Variants in ZMAT4 observed in about 807,000 individuals in gnomAD.
ZMAT4 encodes zinc finger matrin-type protein 4.
A neutral mutation model predicts 28.7 loss-of-function variants in ZMAT4; 17 were observed. That is an observed-to-expected ratio of 0.59 (90% CI 0.41 to 0.89). The LOEUF is 0.89. Ranked by LOEUF, ZMAT4 falls within the 40% of genes least tolerant of loss-of-function variation. ZMAT4 has a pLI of 0.00. For missense variants in ZMAT4, 240 were observed against 283.8 expected (o/e 0.85, Z 1.11); for synonymous variants, 117 against 109.2 (o/e 1.07, Z -0.44).
chr8:40,889,599 CATACACCTTTTGTTTTAATTGCAATT>C (rs1202868240), intron 1 of ZMAT4, among the ~76,000 whole-genome samples: 1 of 152,194 alleles, frequency 6.6e-6, no homozygotes, highest in Admixed American at 6.5e-5. Flanking sequence ...CTCAGGACTA[CATACACCTTTTGTTTTAATTGCAATT>C]ATACTCTATT....
chr8:40,651,317 C>G (rs1807636237), intron 5 of ZMAT4, among the ~76,000 whole-genome samples: 1 of 152,188 alleles, frequency 6.6e-6, no homozygotes, highest in African/African-American at 2.4e-5. Context: ...TGAGTGAACT[C>G]TCATTCACAA....
chr8:40,586,819 T>G (rs1804684808), intron 5 of ZMAT4, among the ~76,000 whole-genome samples: 1 of 152,096 alleles, frequency 6.6e-6, no homozygotes, highest in South Asian at 2.1e-4. Context: ...ATAGAGCTAA[T>G]CAGGGAAAAA....
intron 1 of ZMAT4, among the ~76,000 whole-genome samples, chr8:40,852,879 A>G (rs952660178): frequency 2.0e-5 from 3 of 152,238 alleles, no homozygotes; most frequent in African/African-American, 7.2e-5. Context: ...GAAGCTGTCA[A>G]GTTCATCATG....
rs188445771 is a variant in ZMAT4, at chr8:40,806,055, C to T, written c.102+19520G>A. 1.9e-4 allele frequency among the ~76,000 whole-genome samples: 29 copies of T among 151,934 alleles called. No individual in the cohort carries two copies. The South Asian group carries it at 3.1e-3, about 16-fold the overall frequency. On this transcript the variant is annotated intron_variant, in intron 2 of 6. Transcript: ENST00000297737. ...AAAAAATATATCTTAATTGTTATCA[C>T]GAAAAAGGGGAACATTTCATCTTTA...
chr8:40,630,541 T>C (rs1289808050), intron 5 of ZMAT4, among the ~76,000 whole-genome samples: 1 of 152,174 alleles, frequency 6.6e-6, no homozygotes, highest in Non-Finnish European at 1.5e-5. Flanking sequence ...TAGTCTTGTG[T>C]TCAATCCTAG....
chr8:40,845,907 G>C (rs1816878055), intron 1 of ZMAT4, among the ~76,000 whole-genome samples: 1 of 151,998 alleles, frequency 6.6e-6, no homozygotes, highest in Non-Finnish European at 1.5e-5. Flanking sequence ...GATGTCAAGA[G>C]GAGAACCAGC....
chr8:40,543,788 C>T (rs1015729063), intron 6 of ZMAT4, among the ~76,000 whole-genome samples: 1 of 152,080 alleles, frequency 6.6e-6, no homozygotes, highest in Non-Finnish European at 1.5e-5. Context: ...ACCTTACCAC[C>T]CCTTAAAGAC....
chr8:40,680,082 T>C (rs1027905347), intron 4 of ZMAT4, among the ~76,000 whole-genome samples: 18 of 152,190 alleles, frequency 1.2e-4, no homozygotes, highest in African/African-American at 4.3e-4. Context: ...TACATACATA[T>C]CACAGTCTCT....
intron 3 of ZMAT4, among the ~76,000 whole-genome samples, chr8:40,731,604 T>C (rs909444585): frequency 1.1e-4 from 17 of 152,096 alleles, no homozygotes; most frequent in African/African-American, 3.4e-4. Flanking sequence ...AGTAAATCAG[T>C]AAATCAGCAG....
At chr8:40,835,512 C>G (rs17647637) in intron 1 of ZMAT4, among the ~76,000 whole-genome samples, 19,137 of 152,242 alleles carry the variant, frequency 0.13, 1,236 homozygotes, top group South Asian at 0.16. Context: ...ACAAGCTGAA[C>G]GACTACAGGA....
At chr8:40,583,602 A>C (rs1804565086) in intron 5 of ZMAT4, among the ~76,000 whole-genome samples, 1 of 152,190 alleles carries the variant, frequency 6.6e-6, no homozygotes, top group Non-Finnish European at 1.5e-5. Flanking sequence ...ATTTCAATTT[A>C]GATAGTTTAT....
Position 40,586,826 on chromosome 8 carries a change from A to C in ZMAT4, c.578-5565T>G, listed in dbSNP as rs190388187. ...ATTTTCTTATAGAGCTAATCAGGGAAAAAGACAAGAAACAAGTAAACAAAT... is the reference window on the plus strand; with the variant it reads ...ATTTTCTTATAGAGCTAATCAGGGACAAAGACAAGAAACAAGTAAACAAAT... On this transcript the variant is annotated intron_variant, in intron 5 of 6. Transcript: ENST00000297737. Among the ~76,000 whole-genome samples the C allele has an allele frequency of 2.6e-5, 4 of 152,368 alleles. No individual in the cohort carries two copies. In the East Asian group the frequency reaches 7.7e-4, roughly 29 times the overall value.
intron 5 of ZMAT4, among the ~76,000 whole-genome samples, chr8:40,627,269 T>C (rs1003899715): frequency 2.0e-5 from 3 of 152,200 alleles, no homozygotes; most frequent in Non-Finnish European, 2.9e-5. Context: ...ACACTAAGAA[T>C]GTATCATCAC....
chr8:40,738,576 G>A (rs886630829), intron 3 of ZMAT4, among the ~76,000 whole-genome samples: 3 of 152,186 alleles, frequency 2.0e-5, no homozygotes, highest in African/African-American at 4.8e-5. Flanking sequence ...GGAAGAAGTA[G>A]GAATGTGCTA....
intron 5 of ZMAT4, among the ~76,000 whole-genome samples, chr8:40,671,990 G>A (rs1431023605): frequency 6.6e-6 from 1 of 152,088 alleles, no homozygotes; most frequent in Non-Finnish European, 1.5e-5. Flanking sequence ...ACTATTATGT[G>A]TCTGCCACTA....
At chr8:40,827,839 G>C (rs1816126736) in intron 1 of ZMAT4, among the ~76,000 whole-genome samples, 1 of 152,170 alleles carries the variant, frequency 6.6e-6, no homozygotes, top group African/African-American at 2.4e-5. Context: ...AGCTCTAGTT[G>C]TTAAGTTTTT....
chr8:40,666,810 A>C (rs1331595502), intron 5 of ZMAT4, among the ~76,000 whole-genome samples: 1 of 152,204 alleles, frequency 6.6e-6, no homozygotes, highest in East Asian at 1.9e-4. Flanking sequence ...TTTTTCAATC[A>C]ATATATCGGA....
At chr8:40,686,592 C>A (rs760315894) in intron 4 of ZMAT4, among the ~76,000 whole-genome samples, 1 of 151,990 alleles carries the variant, frequency 6.6e-6, no homozygotes, top group Non-Finnish European at 1.5e-5. Context: ...TGTGCCACTG[C>A]ATTCCAGCTT....
At chr8:40,818,053 G>A (rs1044093718) in intron 2 of ZMAT4, among the ~76,000 whole-genome samples, 10 of 152,132 alleles carry the variant, frequency 6.6e-5, no homozygotes, top group African/African-American at 1.9e-4. Flanking sequence ...TACCCTACCC[G>A]TGTCCTCTTA....
Sources: allele counts gnomAD v4.1 joint callset (sites outside exome capture counted in the v4.1 genomes callset), GRCh38; gene constraint gnomAD v4.1.1; transcripts MANE v1.5; gene names NCBI Gene and HGNC (gene_info 2026-07-23, HGNC 2026-07-21).